FAM178B: variants seen among roughly 807,000 people sequenced by gnomAD.
The protein encoded by FAM178B is protein FAM178B.
FAM178B carries 82 observed loss-of-function variants against 91.7 expected under a neutral mutation model. The ratio of observed to expected loss-of-function variants is 0.89; its 90% CI spans 0.75 to 1.07. The LOEUF is 1.07. FAM178B is among the 50% of genes least tolerant of loss of function. FAM178B has a pLI of 0.00. For missense variants in FAM178B, 769 were observed against 846.7 expected, an observed-to-expected ratio of 0.91 and a Z score of 1.14; for synonymous variants, 368 against 359.4, an observed-to-expected ratio of 1.02 and a Z score of -0.27.
chr2:96,930,210 CAAAAAAAAAAAAAAAAAAAAAAA>C (rs60102987), intron 8 of FAM178B, among the ~76,000 whole-genome samples: 1 of 39,460 alleles, frequency 2.5e-5, no homozygotes, highest in Non-Finnish European at 4.0e-5. Flanking sequence ...TCCGTCTCTC[CAAAAAAAAAAAAAAAAAAAAAAA>C]AAAAAAAAAA....
At chr2:96,882,512 G>A (rs1026623571) in intron 14 of FAM178B, among the ~76,000 whole-genome samples, 6 of 152,210 alleles carry the variant, frequency 3.9e-5, no homozygotes, top group African/African-American at 1.4e-4. Flanking sequence ...TTCGCAGTGT[G>A]ACCAATTCCT....
chr2:96,955,921 G>T (rs949157459), intron 6 of FAM178B, among the ~76,000 whole-genome samples: 2 of 152,200 alleles, frequency 1.3e-5, no homozygotes, highest in Non-Finnish European at 2.9e-5. Context: ...CCGGGCCTCC[G>T]GGAGAAGCTG....
intron 8 of FAM178B, among the ~76,000 whole-genome samples, chr2:96,943,460 T>C (rs2081768245): frequency 6.6e-6 from 1 of 152,244 alleles, no homozygotes; most frequent in African/African-American, 2.4e-5. Flanking sequence ...CTGAATAGTA[T>C]TCCATTTTAT....
intron 13 of FAM178B, among the ~76,000 whole-genome samples, chr2:96,897,582 C>A (rs576489976): frequency 6.6e-6 from 1 of 152,314 alleles, no homozygotes; most frequent in South Asian, 2.1e-4. Context: ...TTGCACTGAC[C>A]TAGAGTCCTT....
rs149827768 is a variant in FAM178B at position 96,878,719 on chromosome 2, C to T, written c.1777-226G>A. Among the ~76,000 whole-genome samples, 820 of 152,358 alleles carry T rather than the reference C, an allele frequency of 5.4e-3. 3 individuals are homozygous for T. Among genetic ancestry groups the T allele is most frequent in the Middle Eastern group, 0.02 (6 of 294 alleles). On this transcript the variant is annotated intron_variant, in intron 14 of 16. Coordinates refer to ENST00000490605, the MANE Select transcript of FAM178B (RefSeq NM_001122646.3). The stretch of plus-strand genomic sequence containing the variant: ...GAGCTGTGACTCCCTAGCAGGCACT[C>T]CCAGCCTGCCCTCTGATGAAGGGCC...
intron 4 of FAM178B, among the ~76,000 whole-genome samples, chr2:96,967,935 T>TTC: frequency 7.0e-6 from 1 of 141,874 alleles, no homozygotes; most frequent in Admixed American, 7.1e-5. Flanking sequence ...TTTTTTTTTT[T>TTC]TTTGATACCA....
At chr2:96,963,760 C>T (rs907796067) in intron 5 of FAM178B, among the ~76,000 whole-genome samples, 1 of 152,258 alleles carries the variant, frequency 6.6e-6, no homozygotes, top group African/African-American at 2.4e-5. Context: ...CACCCAGCAT[C>T]TGCAGGAGCC....
At chr2:96,972,489 G>A (rs1314919570) in intron 2 of FAM178B, 49 bp downstream of exon 2, 29 of 1,537,436 alleles carry the variant, frequency 1.9e-5, no homozygotes, top group Middle Eastern at 1.7e-4. Flanking sequence ...ACTTCCTCTC[G>A]CCCCCAAACC....
chr2:96,920,265 TCTC>T (rs946573348), intron 12 of FAM178B, among the ~76,000 whole-genome samples: 2 of 152,146 alleles, frequency 1.3e-5, no homozygotes, highest in African/African-American at 4.8e-5. Flanking sequence ...ATGGGCCTTA[TCTC>T]CTCCTGGGCT....
At chr2:96,911,675 T>C (rs946348677) in intron 12 of FAM178B, among the ~76,000 whole-genome samples, 1 of 152,306 alleles carries the variant, frequency 6.6e-6, no homozygotes, top group Admixed American at 6.5e-5. Context: ...TGGGATGCTC[T>C]GGCGGAAATC....
chr2:96,904,541 ATTT>A (rs11284849), intron 12 of FAM178B, among the ~76,000 whole-genome samples: 135 of 96,646 alleles, frequency 1.4e-3, no homozygotes, highest in African/African-American at 4.8e-3. Flanking sequence ...ATGCCTGGCT[ATTT>A]TTTTTTTTTT....
intron 14 of FAM178B, among the ~76,000 whole-genome samples, chr2:96,889,806 T>C (rs2080625941): frequency 6.6e-6 from 1 of 151,566 alleles, no homozygotes. Context: ...TAATATGCAA[T>C]AGCAGGTTTT....
intron 14 of FAM178B, among the ~76,000 whole-genome samples, chr2:96,883,338 C>T (rs1382655034): frequency 6.6e-6 from 1 of 152,214 alleles, no homozygotes; most frequent in Admixed American, 6.5e-5. Flanking sequence ...CTAGCCAATG[C>T]CAAGGGAGCG....
chr2:96,905,818 G>GTGTGTATATA (rs1260782317), intron 12 of FAM178B, among the ~76,000 whole-genome samples: 1 of 34,200 alleles, frequency 2.9e-5, no homozygotes, highest in East Asian at 1.0e-3. Flanking sequence ...ATATATGTGT[G>GTGTGTATATA]TATATATATA....
chr2:96,880,529 CTTTTT>C (rs1252598016), intron 14 of FAM178B, among the ~76,000 whole-genome samples: 2 of 152,128 alleles, frequency 1.3e-5, no homozygotes, highest in African/African-American at 4.8e-5. Context: ...TTCCTTTTTC[CTTTTT>C]TAAGATTATT....
intron 1 of FAM178B, among the ~76,000 whole-genome samples, chr2:96,974,578 T>C (rs1482211990): frequency 1.3e-5 from 2 of 152,022 alleles, no homozygotes; most frequent in East Asian, 1.9e-4. Flanking sequence ...AAGACAGAGA[T>C]TGGCAATATA....
chr2:96,975,909 G>T (rs376965771), intron 1 of FAM178B, among the ~76,000 whole-genome samples: 11 of 151,484 alleles, frequency 7.3e-5, no homozygotes, highest in Non-Finnish European at 1.6e-4. Flanking sequence ...CACCGCGCCC[G>T]ATCTAATATA....
At chr2:96,921,059 T>C (rs2081329226) in intron 12 of FAM178B, 106 bp downstream of exon 12, 1 of 831,190 alleles carries the variant, frequency 1.2e-6, no homozygotes. Flanking sequence ...GATTAGAAAT[T>C]GGGCAGGGGA....
intron 6 of FAM178B, among the ~76,000 whole-genome samples, chr2:96,958,067 CTTTT>C (rs66515058): frequency 6.9e-5 from 7 of 101,348 alleles, no homozygotes; most frequent in Non-Finnish European, 8.9e-5. Context: ...TTTGAAGAAT[CTTTT>C]TTTTTTTTTT....
Sources: allele counts gnomAD v4.1 joint callset (sites outside exome capture counted in the v4.1 genomes callset), GRCh38; gene constraint gnomAD v4.1.1; transcripts MANE v1.5; gene names NCBI Gene and HGNC (gene_info 2026-07-23, HGNC 2026-07-21).